Variants in RPTOR observed in about 807,000 individuals in gnomAD.
RPTOR encodes regulatory associated protein of MTOR complex 1.
Under a neutral mutation model 169.9 loss-of-function variants are expected in RPTOR, and 21 were observed. The observed-to-expected ratio is 0.12, with a 90% CI of 0.09 to 0.18. RPTOR has a LOEUF of 0.18. Among genes scored for constraint, RPTOR ranks in the 10% least tolerant of loss-of-function variants. The probability of loss-of-function intolerance (pLI) is 1.00; values close to 1 mark genes in which losing one functional copy is unlikely to be tolerated. For synonymous variants in RPTOR, 732 were observed against 753.2 expected (o/e 0.97, Z 0.46); for missense variants, 1,133 against 1,855.9 (o/e 0.61, Z 7.16).
In RPTOR at chr17:80,925,397, G is replaced by C. The variant is rs200090551; in HGVS notation, c.2836G>C (p.Gly946Arg). The C allele has an allele frequency of 1.9e-6, 3 of 1,613,726 alleles. No individual in the cohort carries two copies. The highest frequency in any genetic ancestry group is 2.5e-6 in the Non-Finnish European group (3 of 1,180,028). The change falls in exon 24 of 34, where the codon GGA becomes CGA. Residue 946 changes from glycine (G) to arginine (R), a missense_variant. This residue lies in a region of RPTOR where 410 missense variants were observed against 623.7 expected (regional missense o/e 0.66). Transcript: ENST00000306801. Reference sequence around the variant, plus strand: ...TGCGGACGACGCGGACGATGCTGCTGGACACAAAAGTTTCATCTCCGCCAC... The same window carrying C: ...TGCGGACGACGCGGACGATGCTGCTCGACACAAAAGTTTCATCTCCGCCAC... ...QTADDADDAA[G>R]HKSFISATVQ...
rs191997029 is a variant in RPTOR at position 80,625,846 on chromosome 17, C to A, written c.265+53C>A. On this transcript the variant is annotated intron_variant, in intron 2 of 33. Coordinates refer to ENST00000306801, the MANE Select transcript of RPTOR (RefSeq NM_020761.3). ...ACAAAGGCCGTCTGGCCGGCTCTGGCCTGGGCGGGGCTCGCCAAGCCTGTG... is the reference window on the plus strand; with the variant it reads ...ACAAAGGCCGTCTGGCCGGCTCTGGACTGGGCGGGGCTCGCCAAGCCTGTG... 1.1e-3 allele frequency: 1,469 copies of A among 1,326,728 alleles called. 11 individuals are homozygous for A. In the African/African-American group the frequency reaches 0.019, roughly 17 times the overall value. 82.2% of individuals were successfully genotyped at this position (1,326,728 alleles called of 1,614,324 possible).
chr17:80,851,607 G>A (rs567258480), intron 11 of RPTOR, among the ~76,000 whole-genome samples: 42 of 152,304 alleles, frequency 2.8e-4, no homozygotes, highest in African/African-American at 8.4e-4. Context: ...AAGGACCTCC[G>A]ACGCCGACTC....
rs369846739 is a variant in RPTOR at position 80,940,638 on chromosome 17, C to T, written c.3025+37C>T. On this transcript the variant is annotated intron_variant, in intron 25 of 33. Transcript: ENST00000306801. ...CGCACAGCCAGCCAGGGGCTCATTC[C>T]GGGGGTGGGGCCTGGGGCGAGGGTC... 1.6e-3 allele frequency: 2,491 copies of T among 1,541,040 alleles called. 6 individuals carry two copies. The highest frequency in any genetic ancestry group is 2.1e-3 in the Non-Finnish European group (2,376 of 1,130,308).
rs1370508449 is a variant in RPTOR, at chr17:80,902,362, ACCCCTGGCTGG to A, written c.2402-6440_2402-6430del. Among the ~76,000 whole-genome samples, 5 of 152,166 alleles carry A rather than the reference ACCCCTGGCTGG, an allele frequency of 3.3e-5. No homozygotes were observed. The East Asian group carries it at 9.7e-4, about 29-fold the overall frequency. ...CCGCTCCACTGCACCTGCCCGCAGC[ACCCCTGGCTGG>A]CCCCTGGCCCGGCCCCTCTGCCATC... is the stretch of plus-strand genomic sequence containing the variant. On this transcript the variant is annotated intron_variant, in intron 20 of 33. Coordinates refer to ENST00000306801, the MANE Select transcript of RPTOR (RefSeq NM_020761.3).
intron 9 of RPTOR, among the ~76,000 whole-genome samples, chr17:80,824,180 T>C (rs973917974): frequency 1.3e-5 from 2 of 152,240 alleles, no homozygotes; most frequent in Non-Finnish European, 2.9e-5. Context: ...AATATTTATA[T>C]GCGATAGATC....
chr17:80,697,983 T>G lies in RPTOR; in HGVS notation c.349-9858T>G, dbSNP rs564856396. Among the ~76,000 whole-genome samples, 11 of 151,912 alleles carry G rather than the reference T, an allele frequency of 7.2e-5. No individual in the cohort carries two copies. In the South Asian group the frequency reaches 2.1e-3, roughly 29 times the overall value. ...TGGCAGGAGCAGGAGCTGAGGGTAG[T>G]GGTGAGGTTTCTGCTGGCAGAGTTT... On this transcript the variant is annotated intron_variant, in intron 3 of 33. Transcript: ENST00000306801.
chr17:80,593,008 C>T (rs2065118726), intron 1 of RPTOR, among the ~76,000 whole-genome samples: 2 of 152,158 alleles, frequency 1.3e-5, no homozygotes, highest in Admixed American at 6.5e-5. Context: ...AATCTGGGCC[C>T]TTCTGCACGT....
intron 3 of RPTOR, among the ~76,000 whole-genome samples, chr17:80,698,804 C>A (rs939744825): frequency 6.6e-6 from 1 of 152,236 alleles, no homozygotes; most frequent in African/African-American, 2.4e-5. Flanking sequence ...CTGTCTTGCT[C>A]ATGGAAGGCT....
At chr17:80,638,315 C>T (rs1054787184) in intron 2 of RPTOR, among the ~76,000 whole-genome samples, 29 of 152,270 alleles carry the variant, frequency 1.9e-4, no homozygotes, top group African/African-American at 6.5e-4. Context: ...CGGCCAGTCA[C>T]AGCCGTATGC....
intron 3 of RPTOR, among the ~76,000 whole-genome samples, chr17:80,693,150 C>T (rs991561989): frequency 1.3e-5 from 2 of 152,200 alleles, no homozygotes; most frequent in Admixed American, 6.5e-5. Flanking sequence ...CAGCTTGGCC[C>T]GATTGGCATT....
In RPTOR at chr17:80,751,479, G is replaced by A. The variant is rs184321877; in HGVS notation, c.655-2531G>A. 8.7e-4 allele frequency among the ~76,000 whole-genome samples: 132 copies of A among 152,256 alleles called. 2 individuals carry two copies. Among genetic ancestry groups the A allele is most frequent in the Middle Eastern group, 3.4e-3 (1 of 294 alleles). On this transcript the variant is annotated intron_variant, in intron 5 of 33. Transcript: ENST00000306801. The stretch of plus-strand genomic sequence containing the variant: ...GATGAAATAGTATATGTGAAGAGCC[G>A]TGAGAAATACTAAGAACTACGCAAC...
intron 8 of RPTOR, among the ~76,000 whole-genome samples, chr17:80,822,731 T>C (rs1302029013): frequency 1.3e-5 from 2 of 152,116 alleles, no homozygotes; most frequent in Non-Finnish European, 2.9e-5. Context: ...TGTGTATGCA[T>C]ACACGTGTGT....
At chr17:80,945,186 A>G (rs1054319666) in intron 25 of RPTOR, among the ~76,000 whole-genome samples, 1 of 152,004 alleles carries the variant, frequency 6.6e-6, no homozygotes, top group African/African-American at 2.4e-5. Flanking sequence ...CCCCAGCTAC[A>G]TGCAGAGTTG....
intron 1 of RPTOR, among the ~76,000 whole-genome samples, chr17:80,566,116 C>G (rs564340266): frequency 6.6e-6 from 1 of 152,334 alleles, no homozygotes; most frequent in East Asian, 1.9e-4. Context: ...CTCTACCTGT[C>G]TGCTCCTGGT....
chr17:80,655,626 G>T (rs2065673821), intron 3 of RPTOR, among the ~76,000 whole-genome samples: 1 of 151,152 alleles, frequency 6.6e-6, no homozygotes, highest in Non-Finnish European at 1.5e-5. Flanking sequence ...ACTCAGGCTG[G>T]AGTGCGGTGG....
intron 1 of RPTOR, among the ~76,000 whole-genome samples, chr17:80,559,677 C>T (rs1305970818): frequency 6.6e-6 from 1 of 152,164 alleles, no homozygotes; most frequent in Admixed American, 6.5e-5. Flanking sequence ...GAGAGAGCTC[C>T]AGTCCAGCTC....
rs774449343 is a variant in RPTOR at position 80,945,368 on chromosome 17, A to G, written c.3026-299A>G. Among the ~76,000 whole-genome samples, 14 of 152,208 alleles carry G rather than the reference A, an allele frequency of 9.2e-5. 1 individual carries two copies. The East Asian group carries it at 1.2e-3, about 13-fold the overall frequency. ...AGCACTTTGGGAGGCCGAGGCGGGC[A>G]GATCACAAGGTCAGGAGATCAAGAC... On this transcript the variant is annotated intron_variant, in intron 25 of 33. Coordinates refer to ENST00000306801, the MANE Select transcript of RPTOR (RefSeq NM_020761.3).
intron 5 of RPTOR, among the ~76,000 whole-genome samples, chr17:80,743,737 C>CTAGCACTGTCCTGGT (rs2066511569): frequency 1.5e-5 from 1 of 65,256 alleles, no homozygotes; most frequent in Non-Finnish European, 3.7e-5. Context: ...ACAGCCCTGG[C>CTAGCACTGTCCTGGT]TACTAGCAGA....
chr17:80,838,767 C>T (rs922017276), intron 10 of RPTOR, among the ~76,000 whole-genome samples: 12 of 152,272 alleles, frequency 7.9e-5, no homozygotes, highest in African/African-American at 2.4e-4. Context: ...GTTGGGGCCA[C>T]ACCTGAGACA....
Sources: gnomAD v4.1 joint callset for allele counts (sites outside exome capture counted in the v4.1 genomes callset) on GRCh38, gnomAD v4.1.1 for gene constraint, gnomAD v4.1.1 regional missense constraint, MANE v1.5 for transcripts, NCBI Gene and HGNC (gene_info 2026-07-23, HGNC 2026-07-21) for gene names.